Variants in IRAG1 observed in about 807,000 individuals in gnomAD.
IRAG1 encodes the protein IP3R-associated cGMP kinase substrate.
A neutral mutation model predicts 106.2 loss-of-function variants in IRAG1; 62 were observed. The observed-to-expected ratio is 0.58, with a 90% CI of 0.48 to 0.72. The LOEUF is 0.72. Among genes scored for constraint, IRAG1 ranks in the 30% least tolerant of loss-of-function variants. IRAG1 has a pLI of 0.00. For synonymous variants in IRAG1, 462 were observed against 443.9 expected (o/e 1.04, Z -0.51); for missense variants, 1,064 against 1,140.7 (o/e 0.93, Z 0.97).
At chr11:10,631,887 G>T in intron 4 of IRAG1, 104 bp downstream of exon 4, 1 of 894,452 alleles carries the variant, frequency 1.1e-6, no homozygotes, top group Non-Finnish European at 1.9e-6. Flanking sequence ...GGACTTATCG[G>T]GAGGGAGCGC....
intron 14 of IRAG1, 112 bp from the exon 15 acceptor site, chr11:10,601,171 A>C (rs1853956356): frequency 7.0e-7 from 1 of 1,424,350 alleles, no homozygotes; most frequent in Non-Finnish European, 9.5e-7. Flanking sequence ...ATACAGGGAC[A>C]AGACTCTGCC....
intron 2 of IRAG1, among the ~76,000 whole-genome samples, chr11:10,634,379 T>C (rs1346893541): frequency 6.6e-6 from 1 of 152,260 alleles, no homozygotes; most frequent in East Asian, 1.9e-4. Flanking sequence ...CTAACTAATA[T>C]ATCCACCAAC....
At chr11:10,597,657 A>C (rs1432558354) in intron 15 of IRAG1, among the ~76,000 whole-genome samples, 2 of 152,164 alleles carry the variant, frequency 1.3e-5, no homozygotes, top group South Asian at 2.1e-4. Context: ...GTACCCAGCT[A>C]CCTGTAACAA....
rs1392453585 is a variant in IRAG1 at position 10,633,071 on chromosome 11, CTTTCTT to C, written c.329+891_329+896del. 1.8e-4 allele frequency among the ~76,000 whole-genome samples: 25 copies of C among 136,642 alleles called. No individual in the cohort carries two copies. The Admixed American group carries it at 1.9e-3, about 10-fold the overall frequency. The allele number at this position is 136,642 out of a possible 152,430, so 89.6% of individuals were successfully genotyped here. A position where few individuals can be genotyped will look rare whatever the true frequency, so the allele number is the denominator to read the frequency against. On this transcript the variant is annotated intron_variant, in intron 3 of 20. Coordinates refer to ENST00000423302, the MANE Select transcript of IRAG1 (RefSeq NM_130385.4). The stretch of plus-strand genomic sequence containing the variant: ...TATCTTTTTCCTTTTCTTTTTCTTT[CTTTCTT>C]TTTTTTTTTTTTTTTGAGACGGAGT...
chr11:10,598,593 C>T (rs1047353409), intron 15 of IRAG1, among the ~76,000 whole-genome samples: 2 of 152,120 alleles, frequency 1.3e-5, no homozygotes, highest in Admixed American at 6.6e-5. Flanking sequence ...ACAATTGTGG[C>T]CTATCAAAGT....
At chr11:10,631,633 T>A (rs1856696911) in intron 4 of IRAG1, among the ~76,000 whole-genome samples, 1 of 152,180 alleles carries the variant, frequency 6.6e-6, no homozygotes, top group Admixed American at 6.5e-5. Context: ...GATGAGCAGA[T>A]GACCAGGGCA....
At chr11:10,618,821 C>T (rs1855623801) in intron 10 of IRAG1, among the ~76,000 whole-genome samples, 1 of 152,174 alleles carries the variant, frequency 6.6e-6, no homozygotes, top group Non-Finnish European at 1.5e-5. Context: ...GTTAACTATT[C>T]AGGGCCTTGT....
chr11:10,631,791 G>C (rs1034151320), intron 4 of IRAG1, among the ~76,000 whole-genome samples, 200 bp downstream of exon 4: 13 of 152,150 alleles, frequency 8.5e-5, no homozygotes, highest in African/African-American at 3.1e-4. Flanking sequence ...TTCATGCCCT[G>C]GTCTTGTCTT....
At chr11:10,593,341 T>G in intron 17 of IRAG1, 151 bp downstream of exon 17, 2 of 591,914 alleles carry the variant, frequency 3.4e-6, no homozygotes, top group East Asian at 6.1e-5. Context: ...GTATATTGAG[T>G]TTTTGAGCCT....
At chr11:10,593,855 C>G in intron 16 of IRAG1, 1 of 570,324 alleles carries the variant, frequency 1.8e-6, no homozygotes. Flanking sequence ...TGGAAATGAC[C>G]CCACAGTCTC....
In IRAG1 at chr11:10,657,255, C is replaced by G. The variant is rs1484302377; in HGVS notation, c.68-5073G>C. Among the ~76,000 whole-genome samples the G allele has an allele frequency of 1.3e-5, 2 of 152,292 alleles. No homozygotes were observed. Among genetic ancestry groups the G allele is most frequent in the East Asian group, 3.9e-4 (2 of 5,182 alleles). On this transcript the variant is annotated intron_variant, in intron 1 of 20. Transcript: ENST00000423302. This position sits in a 1 kb window ranked among gnomAD's most constrained non-coding sequence, Gnocchi z 4.1. Reference sequence around the variant, plus strand: ...TAGACCCATGTTACAGATGAGGAAACAGAGGCCCAGAGACTTGCCCAATGT... The same window carrying G: ...TAGACCCATGTTACAGATGAGGAAAGAGAGGCCCAGAGACTTGCCCAATGT...
At chr11:10,587,744 T>G (rs2134166908) in intron 18 of IRAG1, among the ~76,000 whole-genome samples, 1 of 152,312 alleles carries the variant, frequency 6.6e-6, no homozygotes, top group Middle Eastern at 3.4e-3. Flanking sequence ...TCACCCCGAC[T>G]CTGTTCTCCA....
chr11:10,587,564 AC>A (rs1852154269), intron 18 of IRAG1, among the ~76,000 whole-genome samples: 2 of 152,212 alleles, frequency 1.3e-5, no homozygotes, highest in Non-Finnish European at 2.9e-5. Context: ...TAAGGAATTT[AC>A]CCTGGGTGCT....
In IRAG1 at chr11:10,679,370, C is replaced by A. The variant is rs139551430; in HGVS notation, c.67+14166G>T. On this transcript the variant is annotated intron_variant, in intron 1 of 20. Transcript: ENST00000423302. ...AGTCACTCCCTGTTCCCCTTCCCCC[C>A]AGGCCCTGGCAACCACAGATCTGGT... Among the ~76,000 whole-genome samples the A allele has an allele frequency of 2.5e-3, 378 of 152,326 alleles. 1 individual carries two copies. Among genetic ancestry groups the A allele is most frequent in the African/African-American group, 8.7e-3 (362 of 41,570 alleles).
At position 10,657,020 on chromosome 11, in the gene IRAG1, T is replaced by C. The variant is rs1262574689; in HGVS notation, c.68-4838A>G. Among the ~76,000 whole-genome samples, 1 of 152,136 alleles carries C rather than the reference T, an allele frequency of 6.6e-6. No homozygotes were observed. Among genetic ancestry groups the C allele is most frequent in the African/African-American group, 2.4e-5 (1 of 41,434 alleles). ...AGAGTGGCCTACAGTTGAGCCTGCA[T>C]GTCCTCTGGTAGGTGGTAGCAGCAG... On this transcript the variant is annotated intron_variant, in intron 1 of 20. Coordinates refer to ENST00000423302, the MANE Select transcript of IRAG1 (RefSeq NM_130385.4). The surrounding 1 kb of genome is among the most constrained non-coding windows in gnomAD (Gnocchi z 4.1).
Position 10,591,683 on chromosome 11 carries a change from C to T in IRAG1, c.2176-71G>A, listed in dbSNP as rs989336780. 4.6e-5 allele frequency: 62 copies of T among 1,352,008 alleles called. No homozygotes were observed. The African/African-American group carries it at 8.0e-4, about 17-fold the overall frequency. 83.8% of individuals were successfully genotyped at this position (1,352,008 alleles called of 1,614,324 possible). ...GGAAGAAGCCAGAGCTGCTGGATTT[C>T]TGATGATGCTGGGAGCGGGGCTGCT... On this transcript the variant is annotated intron_variant, in intron 17 of 20. Coordinates refer to ENST00000423302, the MANE Select transcript of IRAG1 (RefSeq NM_130385.4).
At chr11:10,599,462 C>T (rs1046147167) in intron 15 of IRAG1, among the ~76,000 whole-genome samples, 5 of 152,134 alleles carry the variant, frequency 3.3e-5, no homozygotes, top group East Asian at 1.9e-4. Context: ...CCAACACTGA[C>T]GGAAAATGGT....
intron 10 of IRAG1, among the ~76,000 whole-genome samples, chr11:10,613,096 C>A (rs1855106266): frequency 6.6e-6 from 1 of 151,934 alleles, no homozygotes; most frequent in Non-Finnish European, 1.5e-5. Flanking sequence ...CTCTGATGAC[C>A]CATCTATGCA....
At chr11:10,637,591 A>G (rs895181944) in intron 2 of IRAG1, among the ~76,000 whole-genome samples, 1 of 152,150 alleles carries the variant, frequency 6.6e-6, no homozygotes, top group Admixed American at 6.5e-5. Flanking sequence ...ATGCACTTTG[A>G]TAAGTGTCAT....
Sources: allele counts gnomAD v4.1 joint callset (sites outside exome capture counted in the v4.1 genomes callset), GRCh38; gene constraint gnomAD v4.1.1; non-coding constraint Gnocchi (gnomAD v3.1); transcripts MANE v1.5; gene names NCBI Gene and HGNC (gene_info 2026-07-23, HGNC 2026-07-21).